GRIA4: variants seen among roughly 807,000 people sequenced by gnomAD.
The protein encoded by GRIA4 is glutamate receptor 4.
Under a neutral mutation model 104.0 loss-of-function variants are expected in GRIA4, and 34 were observed. The ratio of observed to expected loss-of-function variants is 0.33; its 90% CI spans 0.25 to 0.44. The LOEUF is 0.44. Among genes scored for constraint, GRIA4 ranks in the 20% least tolerant of loss-of-function variants. GRIA4 has a pLI of 1.00. For synonymous variants in GRIA4, 386 were observed against 381.9 expected, an observed-to-expected ratio of 1.01 and a Z score of -0.13; for missense variants, 750 against 1,096.5, an observed-to-expected ratio of 0.68 and a Z score of 4.46.
intron 4 of GRIA4, among the ~76,000 whole-genome samples, chr11:105,797,363 A>G (rs1942523462): frequency 6.6e-6 from 1 of 152,184 alleles, no homozygotes; most frequent in Non-Finnish European, 1.5e-5. Flanking sequence ...CTTTTAGAAG[A>G]GAATTGTGGT....
chr11:105,800,056 A>G (rs1212790883), intron 4 of GRIA4, among the ~76,000 whole-genome samples: 1 of 152,122 alleles, frequency 6.6e-6, no homozygotes, highest in Non-Finnish European at 1.5e-5. Flanking sequence ...GCTGGCTTAG[A>G]AAGCAAGAAA....
At chr11:105,721,547 C>T (rs1193460703) in intron 3 of GRIA4, among the ~76,000 whole-genome samples, 1 of 152,148 alleles carries the variant, frequency 6.6e-6, no homozygotes, top group Non-Finnish European at 1.5e-5. Flanking sequence ...GGATTTGTTT[C>T]ATTGATTTTA....
intron 4 of GRIA4, among the ~76,000 whole-genome samples, chr11:105,776,831 T>A: frequency 6.6e-6 from 1 of 152,064 alleles, no homozygotes; most frequent in Non-Finnish European, 1.5e-5. Context: ...CAAACAGAGG[T>A]AACATCAAGC....
intron 4 of GRIA4, among the ~76,000 whole-genome samples, chr11:105,801,274 AT>A (rs1318267249): frequency 6.6e-6 from 1 of 151,728 alleles, no homozygotes; most frequent in Non-Finnish European, 1.5e-5. Context: ...TGTGTGAAAA[AT>A]ACAGAAAAAT....
rs189936766 is a variant in GRIA4 at position 105,906,336 on chromosome 11, T to C, written c.1158+1035T>C. Among the ~76,000 whole-genome samples the C allele has an allele frequency of 1.4e-3, 214 of 152,286 alleles. 1 individual carries two copies. Among genetic ancestry groups the C allele is most frequent in the African/African-American group, 4.8e-3 (200 of 41,566 alleles). ...CTTAGTATTTTCTCCCTTACTGATCTACATAGGAAGAGATGATTTCCTGCT... is the reference window on the plus strand; with the variant it reads ...CTTAGTATTTTCTCCCTTACTGATCCACATAGGAAGAGATGATTTCCTGCT... On this transcript the variant is annotated intron_variant, in intron 9 of 16. Transcript: ENST00000282499.
chr11:105,634,459 GA>G (rs1341705774), intron 3 of GRIA4, among the ~76,000 whole-genome samples: 29 of 133,422 alleles, frequency 2.2e-4, no homozygotes, highest in African/African-American at 8.0e-4. Flanking sequence ...GAGAAAGAAA[GA>G]AAGAAAGGGA....
chr11:105,845,784 T>C (rs1199390200), intron 4 of GRIA4, among the ~76,000 whole-genome samples: 1 of 152,094 alleles, frequency 6.6e-6, no homozygotes, highest in East Asian at 1.9e-4. Context: ...GTTGGGAGGC[T>C]GAGGCAGGAG....
intron 14 of GRIA4, among the ~76,000 whole-genome samples, chr11:105,944,400 G>C (rs1300966413): frequency 5.3e-5 from 8 of 152,034 alleles, no homozygotes; most frequent in Admixed American, 4.6e-4. Flanking sequence ...TCTCCTTCAT[G>C]TCTCACAGAA....
intron 3 of GRIA4, among the ~76,000 whole-genome samples, chr11:105,616,092 T>C (rs1412785587): frequency 6.6e-6 from 1 of 151,760 alleles, no homozygotes; most frequent in Non-Finnish European, 1.5e-5. Context: ...TCATGTATTA[T>C]CGTCTTGGTG....
intron 4 of GRIA4, among the ~76,000 whole-genome samples, chr11:105,785,084 A>G (rs1387812459): frequency 6.6e-6 from 1 of 152,142 alleles, no homozygotes; most frequent in Non-Finnish European, 1.5e-5. Context: ...AATCCTCCAA[A>G]ACACACTTGT....
intron 3 of GRIA4, among the ~76,000 whole-genome samples, chr11:105,652,077 T>C (rs1565435813): frequency 6.6e-6 from 1 of 152,138 alleles, no homozygotes; most frequent in East Asian, 1.9e-4. Flanking sequence ...TTAATACAGT[T>C]ACTGAAAAAC....
chr11:105,730,940 G>T (rs1938546668), intron 3 of GRIA4, among the ~76,000 whole-genome samples: 2 of 152,106 alleles, frequency 1.3e-5, no homozygotes, highest in African/African-American at 4.8e-5. Context: ...AGAAAACCTA[G>T]GCAATACCCT....
intron 6 of GRIA4, among the ~76,000 whole-genome samples, chr11:105,890,050 A>C (rs1946404398): frequency 6.6e-6 from 1 of 152,192 alleles, no homozygotes; most frequent in African/African-American, 2.4e-5. Flanking sequence ...ATATTCCAGA[A>C]TATTTAAAAT....
chr11:105,858,663 C>T (rs879671380), intron 4 of GRIA4, among the ~76,000 whole-genome samples: 2 of 152,098 alleles, frequency 1.3e-5, no homozygotes, highest in Non-Finnish European at 2.9e-5. Flanking sequence ...TCCTCCCTCA[C>T]TATCCTTCCC....
intron 3 of GRIA4, among the ~76,000 whole-genome samples, chr11:105,659,880 C>T (rs1373287946): frequency 1.3e-5 from 2 of 151,644 alleles, no homozygotes; most frequent in Non-Finnish European, 2.9e-5. Context: ...AAATTTCTAA[C>T]TAATATTCTC....
Position 105,839,325 on chromosome 11 carries a change from T to C in GRIA4, c.488-22699T>C, listed in dbSNP as rs571763124. On this transcript the variant is annotated intron_variant, in intron 4 of 16. Transcript: ENST00000282499. Reference sequence around the variant, plus strand: ...GTGAGCTGTTCATAGGCAGGGAACATATTTACTCTTCTTTGCATGTCTAAA... The same window carrying C: ...GTGAGCTGTTCATAGGCAGGGAACACATTTACTCTTCTTTGCATGTCTAAA... 7.2e-5 allele frequency among the ~76,000 whole-genome samples: 11 copies of C among 152,264 alleles called. No individual in the cohort carries two copies. In the East Asian group the frequency reaches 1.9e-3, roughly 27 times the overall value.
intron 10 of GRIA4, among the ~76,000 whole-genome samples, chr11:105,916,529 T>A (rs920044618): frequency 3.9e-5 from 6 of 152,192 alleles, no homozygotes; most frequent in African/African-American, 1.2e-4. Flanking sequence ...GGGGCACACT[T>A]GACTTATTTT....
At chr11:105,688,140 ATATCTATATCTATATCTC>A (rs756774568) in intron 3 of GRIA4, among the ~76,000 whole-genome samples, 12,568 of 86,208 alleles carry the variant, frequency 0.15, 599 homozygotes, top group Admixed American at 0.27. Context: ...ATCTATATCT[ATATCTATATCTATATCTC>A]TATCTATCTA....
chr11:105,626,466 A>AAG (rs1169945719), intron 3 of GRIA4, among the ~76,000 whole-genome samples: 2 of 152,194 alleles, frequency 1.3e-5, no homozygotes, highest in Non-Finnish European at 2.9e-5. Flanking sequence ...GGTACAGATG[A>AAG]AGAGAATGTT....
Sources: allele counts gnomAD v4.1 joint callset (sites outside exome capture counted in the v4.1 genomes callset), GRCh38; gene constraint gnomAD v4.1.1; transcripts MANE v1.5; gene names NCBI Gene and HGNC (gene_info 2026-07-23, HGNC 2026-07-21).